The following ARHGEF28 variants were observed in gnomAD, a reference collection of about 807,000 sequenced individuals.
The protein encoded by ARHGEF28 is Rho guanine nucleotide exchange factor 28, also known as 190 kDa guanine nucleotide exchange factor.
A neutral mutation model predicts 206.6 loss-of-function variants in ARHGEF28; 152 were observed. That is an observed-to-expected ratio of 0.74 (90% CI 0.64 to 0.84). ARHGEF28 has a LOEUF of 0.84. ARHGEF28 is among the 40% of genes least tolerant of loss of function. The pLI is 0.00. For synonymous variants in ARHGEF28, 763 were observed against 776.4 expected (o/e 0.98, Z 0.29); for missense variants, 2,028 against 2,073.2 (o/e 0.98, Z 0.42).
At chr5:73,808,786 G>A (rs1755663253) in intron 9 of ARHGEF28, among the ~76,000 whole-genome samples, 1 of 152,168 alleles carries the variant, frequency 6.6e-6, no homozygotes, top group Non-Finnish European at 1.5e-5. Context: ...TGGCTTAACA[G>A]TGGAGTAGAG....
intron 4 of ARHGEF28, among the ~76,000 whole-genome samples, chr5:73,754,929 G>A (rs1006156457): frequency 4.0e-5 from 6 of 150,672 alleles, no homozygotes; most frequent in African/African-American, 1.5e-4. Flanking sequence ...ACAGAGTCTT[G>A]CTGTATTTCT....
Position 73,938,159 on chromosome 5 carries a change from AC to A in ARHGEF28, c.4949-2683del, listed in dbSNP as rs1451454143. On this transcript the variant is annotated intron_variant, in intron 35 of 35. Transcript: ENST00000513042. ...AGTTCTGATTAAACTTCTACACTAC[AC>A]CACACACACACACACACACACACAC... Among the ~76,000 whole-genome samples the A allele has an allele frequency of 6.2e-4, 18 of 29,062 alleles. No individual in the cohort carries two copies. The Admixed American group carries it at 8.2e-3, about 13-fold the overall frequency. 19.1% of individuals were successfully genotyped at this position (29,062 alleles called of 152,430 possible). A position where few individuals can be genotyped will look rare whatever the true frequency, so the allele number is the denominator to read the frequency against.
chr5:73,820,914 G>A (rs1756547161), intron 9 of ARHGEF28, among the ~76,000 whole-genome samples: 1 of 152,048 alleles, frequency 6.6e-6, no homozygotes, highest in African/African-American at 2.4e-5. Flanking sequence ...GATGGTGAGG[G>A]GTAGCCTGCA....
intron 35 of ARHGEF28, among the ~76,000 whole-genome samples, chr5:73,937,548 T>C (rs975724981): frequency 2.6e-5 from 4 of 152,146 alleles, no homozygotes; most frequent in Non-Finnish European, 5.9e-5. Context: ...GGCTGAAATG[T>C]TTTTTTGTAG....
chr5:73,682,037 T>C (rs1414434448), intron 1 of ARHGEF28, among the ~76,000 whole-genome samples: 1 of 152,194 alleles, frequency 6.6e-6, no homozygotes, highest in Non-Finnish European at 1.5e-5. Flanking sequence ...TGAACTATGA[T>C]TGTGCTGCTG....
chr5:73,874,814 A>G (rs1332669863), intron 22 of ARHGEF28, among the ~76,000 whole-genome samples: 2 of 147,976 alleles, frequency 1.4e-5, no homozygotes, highest in Non-Finnish European at 3.0e-5. Context: ...AATCCAGTCT[A>G]TCATCGTTGG....
Position 73,653,341 on chromosome 5 carries a change from G to A in ARHGEF28, c.-12+27019G>A, listed in dbSNP as rs1291698637. Among the ~76,000 whole-genome samples the A allele has an allele frequency of 3.9e-5, 6 of 152,204 alleles. No individual in the cohort carries two copies. The East Asian group carries it at 5.8e-4, about 15-fold the overall frequency. On this transcript the variant is annotated intron_variant, in intron 1 of 35. Coordinates refer to ENST00000513042, the MANE Select transcript of ARHGEF28 (RefSeq NM_001177693.2). ...AAGTGTCTTGGCTGAATATTACACC[G>A]TATTTTATGGAGGTGTCTGTATATC...
chr5:73,838,165 G>A (rs1757775046), intron 10 of ARHGEF28, among the ~76,000 whole-genome samples: 1 of 152,178 alleles, frequency 6.6e-6, no homozygotes, highest in African/African-American at 2.4e-5. Context: ...TCAACAAACT[G>A]CAACATAGCA....
chr5:73,827,987 A>G (rs911489450), intron 9 of ARHGEF28: 1 of 152,218 alleles, frequency 6.6e-6, no homozygotes, highest in Admixed American at 6.5e-5. Flanking sequence ...TTGAAAAGAT[A>G]CCTTTAAAAA....
intron 2 of ARHGEF28, among the ~76,000 whole-genome samples, chr5:73,685,133 C>T (rs1160990022): frequency 3.9e-5 from 6 of 152,084 alleles, no homozygotes; most frequent in Admixed American, 2.0e-4. Flanking sequence ...GATTCAAACA[C>T]TCAGTTCACT....
intron 9 of ARHGEF28, among the ~76,000 whole-genome samples, chr5:73,824,459 TG>T (rs1306449272): frequency 1.3e-4 from 20 of 150,142 alleles, no homozygotes; most frequent in Admixed American, 6.7e-5. Flanking sequence ...CAATACTCAC[TG>T]GGGTTTGAAG....
intron 35 of ARHGEF28, among the ~76,000 whole-genome samples, chr5:73,922,029 C>T (rs1763547772): frequency 6.6e-6 from 1 of 152,182 alleles, no homozygotes; most frequent in South Asian, 2.1e-4. Context: ...TCAAAGACTT[C>T]CTCATGCAAA....
Position 73,909,860 on chromosome 5 carries a change from G to A in ARHGEF28, c.4610G>A (p.Arg1537Lys). The stretch of plus-strand genomic sequence containing the variant: ...GGCCACTGGAAGCACGGCCGGCAGA[G>A]GAGCCTGCCCGCGGTGCTCCTTCCG... ...LLGHWKHGRQ[R>K]SLPAVLLPGG... Residue 1537 changes from arginine (R) to lysine (K), a missense_variant, in exon 34 of 36, where the codon AGG becomes AAG. By Grantham distance (26) the Arg-to-Lys change is conservative. Transcript: ENST00000513042. 6.5e-7 allele frequency: 1 copy of A among 1,535,542 alleles called. No individual in the cohort carries two copies. The highest frequency in any genetic ancestry group is 1.4e-5 in the African/African-American group (1 of 72,482).
intron 7 of ARHGEF28, among the ~76,000 whole-genome samples, chr5:73,791,824 A>G (rs1467574541): frequency 2.0e-5 from 3 of 152,188 alleles, no homozygotes; most frequent in African/African-American, 7.2e-5. Context: ...AGTCTGATTT[A>G]GAGGAGTAAT....
chr5:73,649,137 G>A (rs928605033), intron 1 of ARHGEF28, among the ~76,000 whole-genome samples: 2 of 152,210 alleles, frequency 1.3e-5, no homozygotes, highest in Non-Finnish European at 2.9e-5. Flanking sequence ...TAAGTAGCTT[G>A]CCTAGAGTCA....
chr5:73,896,128 A>G (rs1384108357), intron 29 of ARHGEF28, among the ~76,000 whole-genome samples: 1 of 152,248 alleles, frequency 6.6e-6, no homozygotes, highest in Non-Finnish European at 1.5e-5. Flanking sequence ...ATCTATCCCA[A>G]AGATAATGGG....
intron 4 of ARHGEF28, among the ~76,000 whole-genome samples, chr5:73,769,692 G>A (rs771397896): frequency 2.0e-5 from 3 of 152,190 alleles, no homozygotes; most frequent in Non-Finnish European, 2.9e-5. Context: ...CTGGATTTGC[G>A]TTAGTTTCTC....
intron 9 of ARHGEF28, 44 bp downstream of exon 9, chr5:73,795,435 A>G: frequency 6.5e-7 from 1 of 1,537,942 alleles, no homozygotes; most frequent in Non-Finnish European, 9.0e-7. Context: ...GGCATCCCAG[A>G]TCCAGGTTTA....
intron 1 of ARHGEF28, among the ~76,000 whole-genome samples, chr5:73,661,132 G>T (rs557094541): frequency 6.6e-6 from 1 of 152,362 alleles, no homozygotes; most frequent in Non-Finnish European, 1.5e-5. Flanking sequence ...CTTCATCAAT[G>T]ATCTTAGCCA....
Sources: allele counts gnomAD v4.1 joint callset (sites outside exome capture counted in the v4.1 genomes callset), GRCh38; gene constraint gnomAD v4.1.1; transcripts MANE v1.5; gene names NCBI Gene and HGNC (gene_info 2026-07-23, HGNC 2026-07-21).